The following N4BP1 variants were observed in gnomAD, a reference collection of about 807,000 sequenced individuals.
N4BP1 encodes the protein NEDD4-binding protein 1.
In N4BP1, 21 loss-of-function variants were observed where a neutral mutation model predicts 70.9. That is an observed-to-expected ratio of 0.30 (90% CI 0.21 to 0.43). N4BP1 has a LOEUF of 0.43. Ranked by LOEUF, N4BP1 falls within the 20% of genes least tolerant of loss-of-function variation. N4BP1 has a pLI of 1.00. For missense variants in N4BP1, 936 were observed against 1,069.4 expected (o/e 0.88, Z 1.74); for synonymous variants, 387 against 394.6 (o/e 0.98, Z 0.23).
intron 5 of N4BP1, 118 bp downstream of exon 5, chr16:48,547,889 C>T (rs1420497992): frequency 3.0e-6 from 2 of 670,922 alleles, no homozygotes; most frequent in Non-Finnish European, 5.3e-6. Flanking sequence ...TACTTTGGTC[C>T]CCTATATTGC....
At chr16:48,580,789 G>A (rs895842485) in intron 1 of N4BP1, among the ~76,000 whole-genome samples, 1 of 152,066 alleles carries the variant, frequency 6.6e-6, no homozygotes, top group African/African-American at 2.4e-5. Context: ...GACATGTACA[G>A]ACTTTTTTCC....
At chr16:48,543,629 A>G (rs1430392216) in intron 6 of N4BP1, among the ~76,000 whole-genome samples, 6 of 152,222 alleles carry the variant, frequency 3.9e-5, no homozygotes, top group Non-Finnish European at 2.9e-5. Context: ...GATTTTGTGC[A>G]GGACCCTGAT....
At chr16:48,543,368 C>G (rs1295533634) in intron 6 of N4BP1, 107 bp from the exon 7 acceptor site, 1 of 906,032 alleles carries the variant, frequency 1.1e-6, no homozygotes, top group Admixed American at 3.3e-5. Context: ...GGATGCCGCT[C>G]CCTGGCTTCC....
chr16:48,554,245 C>T (rs1444971473), intron 2 of N4BP1, among the ~76,000 whole-genome samples: 3 of 152,014 alleles, frequency 2.0e-5, no homozygotes, highest in African/African-American at 7.3e-5. Context: ...CAGGTTAGCA[C>T]ACTTTTTCTG....
At chr16:48,609,432 C>G (rs1254882253) in intron 1 of N4BP1, among the ~76,000 whole-genome samples, 3 of 152,112 alleles carry the variant, frequency 2.0e-5, no homozygotes, top group African/African-American at 7.2e-5. Context: ...TCCTGGGGGC[C>G]GGGGAACTGA....
intron 2 of N4BP1, among the ~76,000 whole-genome samples, chr16:48,555,905 A>G (rs1963744383): frequency 6.6e-6 from 1 of 152,206 alleles, no homozygotes; most frequent in African/African-American, 2.4e-5. Context: ...GATTACTTTG[A>G]CAGATACAAA....
rs1963524766 is a variant in N4BP1, at chr16:48,542,832, C to T, written c.*72G>A. The T allele has an allele frequency of 2.4e-6, 3 of 1,267,684 alleles. No homozygotes were observed. The Admixed American group carries it at 7.1e-5, about 30-fold the overall frequency. 78.5% of individuals were successfully genotyped at this position (1,267,684 alleles called of 1,614,324 possible). Reference sequence around the variant, plus strand: ...AAGTTTCTTCACATTATGTTCATTCCCATCAGGTACAGGTGTGAGCTTGAG... The same window carrying T: ...AAGTTTCTTCACATTATGTTCATTCTCATCAGGTACAGGTGTGAGCTTGAG... On this transcript the variant is annotated 3_prime_UTR_variant, in exon 7 of 7. Coordinates refer to ENST00000262384, the MANE Select transcript of N4BP1 (RefSeq NM_153029.4).
chr16:48,608,519 G>C (rs1234690393), intron 1 of N4BP1, among the ~76,000 whole-genome samples: 1 of 152,146 alleles, frequency 6.6e-6, no homozygotes, highest in African/African-American at 2.4e-5. Context: ...TCATATGAGA[G>C]GCAAGTATCA....
At chr16:48,600,160 A>C in intron 1 of N4BP1, 1 of 536,750 alleles carries the variant, frequency 1.9e-6, no homozygotes, top group Non-Finnish European at 3.4e-6. Context: ...ATGCAGGTTT[A>C]ACATGTGTAC....
At chr16:48,580,039 A>C (rs181254319) in intron 1 of N4BP1, among the ~76,000 whole-genome samples, 28 of 152,274 alleles carry the variant, frequency 1.8e-4, no homozygotes, top group Non-Finnish European at 7.4e-5. Context: ...TTTCAGTTCA[A>C]GACCAGCCTG....
intron 1 of N4BP1, among the ~76,000 whole-genome samples, chr16:48,597,855 G>GCATGCAT (rs1408810752): frequency 6.6e-6 from 1 of 152,150 alleles, no homozygotes; most frequent in Non-Finnish European, 1.5e-5. Flanking sequence ...ATAAACCTAT[G>GCATGCAT]ACGGCTGCAT....
chr16:48,544,611 A>G (rs1963563918), intron 6 of N4BP1, among the ~76,000 whole-genome samples: 1 of 152,228 alleles, frequency 6.6e-6, no homozygotes, highest in Non-Finnish European at 1.5e-5. Flanking sequence ...TTATGAAAAC[A>G]GAAACAACCA....
chr16:48,560,906 C>A lies in N4BP1; in HGVS notation c.1737G>T (p.Ser579=), dbSNP rs779729484. The A allele has an allele frequency of 6.2e-7, 1 of 1,613,934 alleles. No homozygotes were observed. The change falls in exon 2 of 7, where the codon TCG becomes TCT. Residue 579 remains serine, a synonymous_variant. Coordinates refer to ENST00000262384, the MANE Select transcript of N4BP1 (RefSeq NM_153029.4). ...QLLPSVTDAR[S]AGPSDHIDSS... is the part of the protein sequence containing the mutation. ...AATCAATATGATCAGAAGGTCCTGC[C>A]GACCTTGCATCAGTAACCGAAGGTA...
chr16:48,592,978 A>G (rs1030993235), intron 1 of N4BP1, among the ~76,000 whole-genome samples: 4 of 152,240 alleles, frequency 2.6e-5, no homozygotes, highest in African/African-American at 4.8e-5. Context: ...GACAAGTCAG[A>G]AAGTCCAAGC....
chr16:48,554,758 G>A (rs1298695569), intron 2 of N4BP1, among the ~76,000 whole-genome samples: 1 of 152,196 alleles, frequency 6.6e-6, no homozygotes, highest in Admixed American at 6.5e-5. Context: ...TGAAAGTCCT[G>A]CCATGATGGG....
At chr16:48,601,991 G>C (rs1045365879) in intron 1 of N4BP1, among the ~76,000 whole-genome samples, 6 of 152,210 alleles carry the variant, frequency 3.9e-5, no homozygotes, top group Non-Finnish European at 5.9e-5. Flanking sequence ...GGGAGGCCAA[G>C]GCAGGCAGAT....
At chr16:48,543,714 G>A (rs1320795994) in intron 6 of N4BP1, among the ~76,000 whole-genome samples, 1 of 152,188 alleles carries the variant, frequency 6.6e-6, no homozygotes, top group Non-Finnish European at 1.5e-5. Flanking sequence ...AGGTGTGGGT[G>A]GGTGCCCACA....
chr16:48,595,456 C>CAA (rs373163833), intron 1 of N4BP1, among the ~76,000 whole-genome samples: 1,082 of 56,998 alleles, frequency 0.019, 127 homozygotes, highest in African/African-American at 0.061. Context: ...GACTCTGTCT[C>CAA]AAAAAAAAAA....
chr16:48,552,459 G>C (rs1228853202), intron 3 of N4BP1, among the ~76,000 whole-genome samples: 2 of 151,888 alleles, frequency 1.3e-5, no homozygotes, highest in African/African-American at 4.8e-5. Flanking sequence ...CAGCACTTTG[G>C]GAGGGTGAGG....
Sources: gnomAD v4.1 joint callset for allele counts (sites outside exome capture counted in the v4.1 genomes callset) on GRCh38, gnomAD v4.1.1 for gene constraint, MANE v1.5 for transcripts, NCBI Gene and HGNC (gene_info 2026-07-23, HGNC 2026-07-21) for gene names.